PTPRT: variants seen among roughly 807,000 people sequenced by gnomAD.
PTPRT encodes protein tyrosine phosphatase receptor type T, also known as receptor-type tyrosine-protein phosphatase T.
Under a neutral mutation model 176.8 loss-of-function variants are expected in PTPRT, and 56 were observed. The ratio of observed to expected loss-of-function variants is 0.32; its 90% CI spans 0.26 to 0.40. The LOEUF is 0.40. Ranked by LOEUF, PTPRT falls within the 10% of genes least tolerant of loss-of-function variation. The probability of loss-of-function intolerance (pLI) is 1.00; values close to 1 mark genes in which losing one functional copy is unlikely to be tolerated. For synonymous variants in PTPRT, 783 were observed against 739.0 expected, an observed-to-expected ratio of 1.06 and a Z score of -0.96; for missense variants, 1,540 against 1,908.2, an observed-to-expected ratio of 0.81 and a Z score of 3.60.
chr20:42,637,118 A>G (rs574084076), intron 7 of PTPRT, among the ~76,000 whole-genome samples: 2 of 152,218 alleles, frequency 1.3e-5, no homozygotes, highest in South Asian at 4.1e-4. Context: ...TGCCACCCCC[A>G]GAGTTTCTGA....
chr20:42,588,929 G>A (rs987598020), intron 7 of PTPRT, among the ~76,000 whole-genome samples: 4 of 152,128 alleles, frequency 2.6e-5, no homozygotes, highest in South Asian at 2.1e-4. Context: ...GCACCAAGAC[G>A]TAAAGTTATA....
intron 7 of PTPRT, among the ~76,000 whole-genome samples, chr20:42,551,521 G>A (rs1482675880): frequency 1.3e-5 from 2 of 151,994 alleles, no homozygotes; most frequent in African/African-American, 4.8e-5. Context: ...TTGTTTGTTT[G>A]ACTAAGTGCA....
intron 11 of PTPRT, among the ~76,000 whole-genome samples, chr20:42,330,272 A>G (rs887587669): frequency 1.3e-5 from 2 of 152,200 alleles, no homozygotes; most frequent in South Asian, 4.1e-4. Context: ...GGAGTTCAAC[A>G]CTAGCCTCGC....
intron 11 of PTPRT, among the ~76,000 whole-genome samples, chr20:42,350,227 T>TTTG (rs1568799472): frequency 8.7e-6 from 1 of 115,220 alleles, no homozygotes; most frequent in African/African-American, 4.0e-5. Flanking sequence ...TTTTTTTTTT[T>TTTG]TTTTTTTTTT....
chr20:42,765,209 C>T (rs959564706), intron 5 of PTPRT, among the ~76,000 whole-genome samples: 2 of 152,144 alleles, frequency 1.3e-5, no homozygotes, highest in East Asian at 3.9e-4. Context: ...AAAAACCCCT[C>T]GTGGATTGAA....
intron 7 of PTPRT, among the ~76,000 whole-genome samples, chr20:42,622,013 T>C (rs557237343): frequency 6.6e-6 from 1 of 152,308 alleles, no homozygotes; most frequent in Non-Finnish European, 1.5e-5. Flanking sequence ...AAAAGTACTC[T>C]CAGATTCAAA....
chr20:42,099,388 C>CT (rs1250219339), intron 26 of PTPRT, among the ~76,000 whole-genome samples: 1 of 152,104 alleles, frequency 6.6e-6, no homozygotes. Flanking sequence ...GAACGTAAGC[C>CT]TACTGGCAGG....
At chr20:42,807,171 G>T (rs1320373935) in intron 2 of PTPRT, among the ~76,000 whole-genome samples, 1 of 152,190 alleles carries the variant, frequency 6.6e-6, no homozygotes, top group Non-Finnish European at 1.5e-5. Flanking sequence ...CATTTAGATT[G>T]GTACAGACCT....
chr20:43,187,284 G>A (rs1049156848), intron 1 of PTPRT, among the ~76,000 whole-genome samples: 4 of 152,050 alleles, frequency 2.6e-5, no homozygotes, highest in Admixed American at 6.6e-5. Context: ...GTTTTAAAAT[G>A]TATTTGTCCA....
intron 9 of PTPRT, among the ~76,000 whole-genome samples, chr20:42,399,380 T>C (rs1448693658): frequency 2.0e-5 from 3 of 152,248 alleles, no homozygotes; most frequent in African/African-American, 7.2e-5. Context: ...ACCATAGCTT[T>C]AAGCTTGGGC....
chr20:42,832,300 G>A (rs1298064271), intron 2 of PTPRT, among the ~76,000 whole-genome samples: 1 of 152,168 alleles, frequency 6.6e-6, no homozygotes, highest in African/African-American at 2.4e-5. Flanking sequence ...ATAAGTGGGA[G>A]CTAAATGATG....
intron 1 of PTPRT, among the ~76,000 whole-genome samples, chr20:43,154,575 T>C (rs1236860973): frequency 6.6e-6 from 1 of 152,224 alleles, no homozygotes; most frequent in African/African-American, 2.4e-5. Context: ...GGTATTTTCA[T>C]AGGGATTACA....
intron 2 of PTPRT, among the ~76,000 whole-genome samples, chr20:42,800,115 A>G (rs2077508912): frequency 6.6e-6 from 1 of 152,262 alleles, no homozygotes; most frequent in African/African-American, 2.4e-5. Context: ...TTTAATTCTT[A>G]TATCAACCCT....
At chr20:42,402,162 GAGA>G (rs1218917417) in intron 9 of PTPRT, among the ~76,000 whole-genome samples, 4 of 152,182 alleles carry the variant, frequency 2.6e-5, no homozygotes, top group Non-Finnish European at 5.9e-5. Context: ...GAGATGGGGA[GAGA>G]AGGACAGAGA....
At chr20:43,159,465 T>C (rs1028706023) in intron 1 of PTPRT, among the ~76,000 whole-genome samples, 1 of 152,240 alleles carries the variant, frequency 6.6e-6, no homozygotes. Context: ...GCAGGCATCA[T>C]ATCTGCTTCT....
intron 1 of PTPRT, among the ~76,000 whole-genome samples, chr20:42,928,163 A>G (rs1979607245): frequency 6.6e-6 from 1 of 152,254 alleles, no homozygotes; most frequent in East Asian, 1.9e-4. Flanking sequence ...ACCCAAGCTC[A>G]TTGCACAAGG....
intron 5 of PTPRT, among the ~76,000 whole-genome samples, chr20:42,769,651 C>T (rs1333050910): frequency 5.9e-5 from 9 of 152,168 alleles, no homozygotes; most frequent in African/African-American, 1.4e-4. Flanking sequence ...TGAAAGAATA[C>T]GTCTCTACGA....
intron 9 of PTPRT, among the ~76,000 whole-genome samples, chr20:42,417,025 C>T (rs905421637): frequency 1.3e-5 from 2 of 152,060 alleles, no homozygotes; most frequent in Non-Finnish European, 2.9e-5. Flanking sequence ...ACAAAAAAGG[C>T]ACCAAAGCCT....
chr20:42,338,060 G>T, intron 11 of PTPRT, among the ~76,000 whole-genome samples: 1 of 152,320 alleles, frequency 6.6e-6, no homozygotes, highest in South Asian at 2.1e-4. Context: ...GGCTGAGGCA[G>T]AGGCCACCTT....
Sources: allele counts gnomAD v4.1 joint callset (sites outside exome capture counted in the v4.1 genomes callset), GRCh38; gene constraint gnomAD v4.1.1; transcripts MANE v1.5; gene names NCBI Gene and HGNC (gene_info 2026-07-23, HGNC 2026-07-21).